CTNND2: variants seen among roughly 807,000 people sequenced by gnomAD.
The protein encoded by CTNND2 is catenin delta-2.
Under a neutral mutation model 144.4 loss-of-function variants are expected in CTNND2, and 22 were observed. The ratio of observed to expected loss-of-function variants is 0.15; its 90% CI spans 0.11 to 0.22. The LOEUF is 0.22. Ranked by LOEUF, CTNND2 falls within the 10% of genes least tolerant of loss-of-function variation. CTNND2 has a pLI of 1.00. For synonymous variants in CTNND2, 751 were observed against 695.6 expected (o/e 1.08, Z -1.25); for missense variants, 1,353 against 1,618.8 (o/e 0.84, Z 2.82).
chr5:10,992,413 A>G, intron 19 of CTNND2, 138 bp downstream of exon 19: 6 of 1,234,572 alleles, frequency 4.9e-6, no homozygotes. Context: ...AGTACAAAGA[A>G]CAGATTCATT....
chr5:11,708,739 A>T (rs1428517), intron 2 of CTNND2, among the ~76,000 whole-genome samples: 34,278 of 151,964 alleles, frequency 0.23, 7,110 homozygotes, highest in African/African-American at 0.56. Flanking sequence ...GTTCCAGGCA[A>T]CAGGCCACAT....
chr5:11,321,778 A>G (rs1178351151), intron 9 of CTNND2, among the ~76,000 whole-genome samples: 1 of 152,052 alleles, frequency 6.6e-6, no homozygotes, highest in Non-Finnish European at 1.5e-5. Context: ...CGTAATGAAC[A>G]TGGTTCTTGG....
rs373063718 is a variant in CTNND2 at position 11,441,312 on chromosome 5, T to C, written c.288-29243A>G. ...ACTGCTCATCAGGCCATTTTATTATTGAGCTTATGTTTATAATTTTTAAAA... is the reference window on the plus strand; with the variant it reads ...ACTGCTCATCAGGCCATTTTATTATCGAGCTTATGTTTATAATTTTTAAAA... On this transcript the variant is annotated intron_variant, in intron 3 of 21. Coordinates refer to ENST00000304623, the MANE Select transcript of CTNND2 (RefSeq NM_001332.4). 3.9e-5 allele frequency among the ~76,000 whole-genome samples: 6 copies of C among 152,098 alleles called. No individual in the cohort carries two copies. The East Asian group carries it at 9.6e-4, about 24-fold the overall frequency.
At chr5:11,159,250 T>C (rs532246438) in intron 12 of CTNND2, among the ~76,000 whole-genome samples, 41 of 152,298 alleles carry the variant, frequency 2.7e-4, no homozygotes, top group Non-Finnish European at 4.9e-4. Flanking sequence ...ATATGCATGA[T>C]ATAATGTGAA....
intron 1 of CTNND2, among the ~76,000 whole-genome samples, chr5:11,837,750 C>T (rs906558869): frequency 3.3e-5 from 5 of 151,974 alleles, no homozygotes; most frequent in African/African-American, 1.2e-4. Flanking sequence ...TCGAAAAAAA[C>T]AAAGGTTTTT....
intron 6 of CTNND2, among the ~76,000 whole-genome samples, chr5:11,392,648 C>G (rs1321431693): frequency 6.6e-6 from 1 of 152,092 alleles, no homozygotes; most frequent in East Asian, 1.9e-4. Flanking sequence ...GATTTTAAAG[C>G]AAAGCAAGGA....
chr5:11,625,313 G>A (rs1781094947), intron 2 of CTNND2, among the ~76,000 whole-genome samples: 2 of 151,570 alleles, frequency 1.3e-5, no homozygotes, highest in Non-Finnish European at 2.9e-5. Flanking sequence ...AAACAAAGAG[G>A]TCAACCAATC....
At chr5:11,371,586 T>A (rs1027435161) in intron 7 of CTNND2, among the ~76,000 whole-genome samples, 23 of 152,226 alleles carry the variant, frequency 1.5e-4, no homozygotes, top group Non-Finnish European at 2.5e-4. Flanking sequence ...TTGACCTAAA[T>A]CAAAACTCCA....
intron 11 of CTNND2, among the ~76,000 whole-genome samples, chr5:11,194,078 C>T (rs1316694207): frequency 6.6e-6 from 1 of 152,132 alleles, no homozygotes; most frequent in African/African-American, 2.4e-5. Flanking sequence ...GTAATTCAGA[C>T]AAGAAATTTC....
intron 10 of CTNND2, among the ~76,000 whole-genome samples, chr5:11,236,137 G>T (rs1340544990): frequency 2.6e-5 from 4 of 152,132 alleles, no homozygotes; most frequent in Non-Finnish European, 5.9e-5. Context: ...TTACATGATG[G>T]ACATGGACAA....
intron 1 of CTNND2, among the ~76,000 whole-genome samples, chr5:11,767,365 G>A (rs149361657): frequency 4.8e-3 from 724 of 152,266 alleles, no homozygotes; most frequent in Non-Finnish European, 8.5e-3. Context: ...GTGTGGGCAT[G>A]TGTCTATGCC....
chr5:11,330,483 C>CAAAAAA (rs10627159), intron 9 of CTNND2, among the ~76,000 whole-genome samples: 15 of 43,422 alleles, frequency 3.5e-4, no homozygotes, highest in Admixed American at 4.2e-4. Flanking sequence ...GACTCCGTCT[C>CAAAAAA]AAAAAAAAAA....
chr5:11,232,596 C>A (rs1168388375), intron 10 of CTNND2, among the ~76,000 whole-genome samples: 1 of 152,202 alleles, frequency 6.6e-6, no homozygotes, highest in African/African-American at 2.4e-5. Flanking sequence ...AATGCCTGTA[C>A]CCCATTGTAT....
At chr5:11,228,700 G>C (rs140996620) in intron 10 of CTNND2, among the ~76,000 whole-genome samples, 3 of 151,976 alleles carry the variant, frequency 2.0e-5, no homozygotes, top group Admixed American at 2.0e-4. Flanking sequence ...TGCTGATGCC[G>C]GTCTCCTGAG....
At chr5:11,382,991 G>C (rs1758671276) in intron 7 of CTNND2, among the ~76,000 whole-genome samples, 1 of 152,144 alleles carries the variant, frequency 6.6e-6, no homozygotes, top group Non-Finnish European at 1.5e-5. Context: ...TAGATGCAAT[G>C]ATAGAAGGAG....
chr5:11,738,040 C>T lies in CTNND2; in HGVS notation c.38-5768G>A, dbSNP rs569072734. ...TGTTCAATTTTCTCAACTTTCTTTC[C>T]CTTAATTCCCCTGTGGGCTGGGCAT... On this transcript the variant is annotated intron_variant, in intron 1 of 21. Transcript: ENST00000304623. Among the ~76,000 whole-genome samples, 12 of 152,276 alleles carry T rather than the reference C, an allele frequency of 7.9e-5. 1 individual carries two copies. The South Asian group carries it at 2.5e-3, about 32-fold the overall frequency.
At chr5:11,823,510 C>G (rs1177452027) in intron 1 of CTNND2, among the ~76,000 whole-genome samples, 1 of 152,102 alleles carries the variant, frequency 6.6e-6, no homozygotes, top group African/African-American at 2.4e-5. Context: ...ATTTTCATTG[C>G]TGAATAATGA....
At chr5:11,588,110 ATTGTAT>A (rs1778993950) in intron 2 of CTNND2, among the ~76,000 whole-genome samples, 1 of 152,162 alleles carries the variant, frequency 6.6e-6, no homozygotes, top group Non-Finnish European at 1.5e-5. Flanking sequence ...ACATGTAATT[ATTGTAT>A]TCTAGTTCTA....
intron 1 of CTNND2, among the ~76,000 whole-genome samples, chr5:11,873,806 T>C (rs12653526): frequency 0.23 from 34,982 of 152,118 alleles, 4,300 homozygotes; most frequent in Non-Finnish European, 0.28. Context: ...AAGGAGGAAA[T>C]GTGCAGCTTC....
Sources: gnomAD v4.1 joint callset for allele counts (sites outside exome capture counted in the v4.1 genomes callset) on GRCh38, gnomAD v4.1.1 for gene constraint, MANE v1.5 for transcripts, NCBI Gene and HGNC (gene_info 2026-07-23, HGNC 2026-07-21) for gene names.